The following AFF2 variants were observed in gnomAD, a reference collection of about 807,000 sequenced individuals.
The protein encoded by AFF2 is ALF transcription elongation factor 2.
A neutral mutation model predicts 76.9 loss-of-function variants in AFF2; 14 were observed. The ratio of observed to expected loss-of-function variants is 0.18; its 90% CI spans 0.12 to 0.28. AFF2 has a LOEUF of 0.28. Ranked by LOEUF, AFF2 falls within the 10% of genes least tolerant of loss-of-function variation. The pLI is 1.00. For missense variants in AFF2, 868 were observed against 1,001.1 expected, an observed-to-expected ratio of 0.87 and a Z score of 1.79; for synonymous variants, 398 against 366.7, an observed-to-expected ratio of 1.09 and a Z score of -0.98.
intron 3 of AFF2, among the ~76,000 whole-genome samples, chrX:148,766,327 T>TA (rs1175915751): frequency 2.7e-5 from 3 of 110,432 alleles, no homozygotes; most frequent in African/African-American, 9.9e-5. Flanking sequence ...ACCAACAATG[T>TA]AAAAGTGTTC....
intron 9 of AFF2, among the ~76,000 whole-genome samples, chrX:148,918,234 T>C (rs1016876045): frequency 2.0e-4 from 22 of 112,664 alleles, no homozygotes; most frequent in African/African-American, 7.1e-4. Context: ...GAATTTACTT[T>C]AAATTGTTTT....
intron 16 of AFF2, among the ~76,000 whole-genome samples, chrX:148,977,675 G>A (rs992294721): frequency 9.3e-6 from 1 of 107,805 alleles, no homozygotes; most frequent in African/African-American, 3.4e-5. Flanking sequence ...TAATTCCACA[G>A]CATTGTCCTA....
intron 7 of AFF2, among the ~76,000 whole-genome samples, chrX:148,854,897 T>G (rs2070770255): frequency 9.0e-6 from 1 of 111,546 alleles, no homozygotes; most frequent in Non-Finnish European, 1.9e-5. Flanking sequence ...TTTTCTTTTC[T>G]TTATTTTTTT....
At chrX:148,542,926 A>G (rs782766768) in intron 1 of AFF2, among the ~76,000 whole-genome samples, 38 of 111,787 alleles carry the variant, frequency 3.4e-4, no homozygotes, top group African/African-American at 1.2e-3. Flanking sequence ...TTCCCTCCAA[A>G]CCATAGAGTT....
At position 148,956,522 on chromosome X, in the gene AFF2, C is replaced by T; in HGVS notation, c.2477C>T (p.Pro826Leu). The T allele has an allele frequency of 8.3e-7, 1 of 1,212,005 alleles. No homozygotes were observed. ...TCACTCCATGCAGCACCTGCCAAGCCAGACCACAAGGAGACTGCCACAAAA... is the reference window on the plus strand; with the variant it reads ...TCACTCCATGCAGCACCTGCCAAGCTAGACCACAAGGAGACTGCCACAAAA... The part of the protein sequence containing the change: ...HSSLHAAPAK[P>L]DHKETATKPK... Residue 826 changes from proline to leucine, a missense_variant, in exon 11 of 21, where the codon CCA (proline) becomes CTA (leucine). Pro to Leu is a moderately conservative substitution (Grantham distance 98, BLOSUM62 -3). Coordinates refer to ENST00000370460, the MANE Select transcript of AFF2 (RefSeq NM_002025.4).
intron 1 of AFF2, among the ~76,000 whole-genome samples, chrX:148,548,392 A>G (rs1357113804): frequency 1.8e-5 from 2 of 112,157 alleles, no homozygotes; most frequent in Admixed American, 1.9e-4. Flanking sequence ...TCCATGTCTA[A>G]GGATGCAGCC....
intron 3 of AFF2, among the ~76,000 whole-genome samples, chrX:148,746,722 A>T (rs1327536611): frequency 1.8e-5 from 2 of 112,851 alleles, no homozygotes; most frequent in African/African-American, 6.4e-5. Flanking sequence ...GTAAATAAGC[A>T]GTGATGATAC....
chrX:148,859,483 G>A (rs1557276215), intron 7 of AFF2, among the ~76,000 whole-genome samples: 1 of 110,828 alleles, frequency 9.0e-6, no homozygotes, highest in African/African-American at 3.3e-5. Flanking sequence ...TCTTAATTAA[G>A]TCAGAAATCC....
chrX:148,900,880 C>T (rs2071346729), intron 8 of AFF2, among the ~76,000 whole-genome samples: 1 of 111,964 alleles, frequency 8.9e-6, no homozygotes, highest in African/African-American at 3.2e-5. Context: ...GATAGTGGTT[C>T]CTATAATCCT....
At chrX:148,646,554 T>A (rs1287233806) in intron 1 of AFF2, among the ~76,000 whole-genome samples, 4 of 112,259 alleles carry the variant, frequency 3.6e-5, no homozygotes, top group Non-Finnish European at 5.6e-5. Flanking sequence ...GGACTATTGA[T>A]GTCTACATAA....
chrX:148,510,197 G>A (rs2052467483), intron 1 of AFF2, among the ~76,000 whole-genome samples: 1 of 111,934 alleles, frequency 8.9e-6, no homozygotes, highest in Non-Finnish European at 1.9e-5. Context: ...GTTCATTCAG[G>A]CACTATGCTA....
In AFF2 at chrX:148,817,959, T is replaced by C. The variant is rs192140086; in HGVS notation, c.1086+8039T>C. Among the ~76,000 whole-genome samples the C allele has an allele frequency of 8.9e-5, 10 of 112,137 alleles. No homozygotes were observed. The East Asian group carries it at 2.8e-3, about 31-fold the overall frequency. ...AAATAGAAATAAGTGGAAACATATT[T>C]AATGTGATAAAATATATCCACCTTA... On this transcript the variant is annotated intron_variant, in intron 4 of 20. Transcript: ENST00000370460.
intron 7 of AFF2, among the ~76,000 whole-genome samples, chrX:148,846,601 C>T: frequency 9.0e-6 from 1 of 111,220 alleles, no homozygotes; most frequent in Non-Finnish European, 1.9e-5. Context: ...AAGTTGGTCT[C>T]CCACCCCTCA....
intron 5 of AFF2, 68 bp downstream of exon 5, chrX:148,837,801 C>A: frequency 2.6e-6 from 2 of 768,286 alleles, no homozygotes; most frequent in South Asian, 4.9e-5. Context: ...CAACTGGATT[C>A]TCAGTGGCAA....
chrX:148,581,146 T>C (rs1223735293), intron 1 of AFF2, among the ~76,000 whole-genome samples: 1 of 73,320 alleles, frequency 1.4e-5, no homozygotes, highest in Non-Finnish European at 2.8e-5. Context: ...TATACACACA[T>C]ATACATATAC....
rs782012307 is a variant in AFF2 at position 148,906,587 on chromosome X, G to A, written c.1397+2329G>A. 5.4e-5 allele frequency among the ~76,000 whole-genome samples: 6 copies of A among 112,020 alleles called. No individual in the cohort carries two copies. The East Asian group carries it at 8.4e-4, about 16-fold the overall frequency. On this transcript the variant is annotated intron_variant, in intron 9 of 20. Coordinates refer to ENST00000370460, the MANE Select transcript of AFF2 (RefSeq NM_002025.4). Reference sequence around the variant, plus strand: ...TAAAGAAATAATCAAATCATCTATCGCCTGAGAGCACAGGGGGAGGGACAA... The same window carrying A: ...TAAAGAAATAATCAAATCATCTATCACCTGAGAGCACAGGGGGAGGGACAA...
intron 1 of AFF2, among the ~76,000 whole-genome samples, chrX:148,594,331 A>C (rs782422362): frequency 6.2e-5 from 7 of 112,047 alleles, no homozygotes; most frequent in Admixed American, 1.9e-4. Context: ...TGTCTACTAA[A>C]TTTCAAGTTC....
intron 1 of AFF2, among the ~76,000 whole-genome samples, chrX:148,615,751 G>A (rs1017288101): frequency 5.4e-5 from 6 of 111,319 alleles, no homozygotes; most frequent in African/African-American, 3.3e-5. Flanking sequence ...TGCATTCTAT[G>A]TATGGGTAGA....
At chrX:148,688,749 A>T (rs1172671892) in intron 3 of AFF2, among the ~76,000 whole-genome samples, 1 of 108,455 alleles carries the variant, frequency 9.2e-6, no homozygotes, top group Non-Finnish European at 1.9e-5. Flanking sequence ...ATAGCATACC[A>T]CACACCTAGG....
Sources: gnomAD v4.1 joint callset for allele counts (sites outside exome capture counted in the v4.1 genomes callset) on GRCh38, gnomAD v4.1.1 for gene constraint, MANE v1.5 for transcripts, NCBI Gene and HGNC (gene_info 2026-07-23, HGNC 2026-07-21) for gene names.